UBXN7: variants seen among roughly 807,000 people sequenced by gnomAD.
The protein encoded by UBXN7 is UBX domain protein 7.
A neutral mutation model predicts 58.0 loss-of-function variants in UBXN7; 9 were observed. That is an observed-to-expected ratio of 0.16 (90% CI 0.09 to 0.27). The LOEUF is 0.27. Among genes scored for constraint, UBXN7 ranks in the 10% least tolerant of loss-of-function variants. The probability of loss-of-function intolerance (pLI) is 1.00; values close to 1 mark genes in which losing one functional copy is unlikely to be tolerated. For synonymous variants in UBXN7, 208 were observed against 205.0 expected, an observed-to-expected ratio of 1.01 and a Z score of -0.12; for missense variants, 328 against 599.6, an observed-to-expected ratio of 0.55 and a Z score of 4.73.
Position 196,356,492 on chromosome 3 carries a change from ACAG to A in UBXN7, c.*190_*192del. On this transcript the variant is annotated 3_prime_UTR_variant, in exon 11 of 11. Coordinates refer to ENST00000296328, the MANE Select transcript of UBXN7 (RefSeq NM_015562.2). ...AGGGTACGGAGTGGGGAGCGAGAAA[ACAG>A]AAGAGGAGAAAGAAACAAAGGGGGA... is the stretch of plus-strand genomic sequence containing the variant. 1.8e-6 allele frequency: 1 copy of A among 553,976 alleles called. No individual in the cohort carries two copies. The highest frequency in any genetic ancestry group is 3.0e-6 in the Non-Finnish European group (1 of 332,218). The allele number at this position is 553,976 out of a possible 1,614,324, so 34.3% of individuals were successfully genotyped here. A position where few individuals can be genotyped will look rare whatever the true frequency, so the allele number is the denominator to read the frequency against.
intron 5 of UBXN7, among the ~76,000 whole-genome samples, chr3:196,387,749 T>G (rs1017756037): frequency 2.6e-5 from 4 of 152,066 alleles, no homozygotes; most frequent in African/African-American, 9.7e-5. Flanking sequence ...TGAGATACCA[T>G]CTCATGCCAG....
chr3:196,420,453 C>T (rs1419302994), intron 1 of UBXN7, among the ~76,000 whole-genome samples: 15 of 151,700 alleles, frequency 9.9e-5, no homozygotes, highest in Admixed American at 9.2e-4. Flanking sequence ...ATCGTTTGAC[C>T]CCGGGAGGTG....
chr3:196,349,262 AG>A lies in UBXN7; in HGVS notation c.*7422del, dbSNP rs1728157607. The A allele has an allele frequency of 2.0e-5, 3 of 152,228 alleles. No individual in the cohort carries two copies. The highest frequency in any genetic ancestry group is 4.1e-4 in the South Asian group (2 of 4,832). The allele number at this position is 152,228 out of a possible 1,614,324, so 9.4% of individuals were successfully genotyped here. ...CAAGGCCCAAGACCCCACATGGGTC[AG>A]ATAAGCAGCCCCTACTAGAAGCTTG... On this transcript the variant is annotated 3_prime_UTR_variant, in exon 11 of 11. Coordinates refer to ENST00000296328, the MANE Select transcript of UBXN7 (RefSeq NM_015562.2).
chr3:196,430,130 G>A (rs1034287773), intron 1 of UBXN7, among the ~76,000 whole-genome samples: 1 of 151,982 alleles, frequency 6.6e-6, no homozygotes, highest in Non-Finnish European at 1.5e-5. Context: ...TGAGGTGAGT[G>A]GATCATTTGA....
At chr3:196,364,989 T>G (rs1018689961) in intron 8 of UBXN7, among the ~76,000 whole-genome samples, 1 of 152,172 alleles carries the variant, frequency 6.6e-6, no homozygotes, top group East Asian at 1.9e-4. Flanking sequence ...ACATATAGCA[T>G]GTAGCTCGAT....
intron 1 of UBXN7, among the ~76,000 whole-genome samples, chr3:196,415,413 A>G (rs1035049128): frequency 2.7e-5 from 4 of 148,708 alleles, no homozygotes; most frequent in Admixed American, 1.3e-4. Flanking sequence ...CAGCCTCCCA[A>G]AGTGCTGGGA....
intron 3 of UBXN7, 85 bp downstream of exon 3, chr3:196,402,867 T>C: frequency 1.4e-6 from 2 of 1,449,602 alleles, no homozygotes; most frequent in African/African-American, 1.4e-5. Flanking sequence ...AACAGTCTCC[T>C]AGCAAGCCTT....
chr3:196,369,299 G>A (rs541576053), intron 7 of UBXN7, 122 bp downstream of exon 7: 21 of 786,372 alleles, frequency 2.7e-5, no homozygotes, highest in East Asian at 1.1e-4. Flanking sequence ...GGAAAAAAAC[G>A]AAACCTTCAC....
chr3:196,381,095 C>T (rs146303871), intron 5 of UBXN7, among the ~76,000 whole-genome samples: 1,971 of 152,348 alleles, frequency 0.013, 52 homozygotes, highest in African/African-American at 0.046. Context: ...CAGACTTAAA[C>T]GTCCCTGTCT....
intron 8 of UBXN7, among the ~76,000 whole-genome samples, chr3:196,366,584 AAATAC>A (rs1036018750): frequency 5.9e-5 from 9 of 151,826 alleles, no homozygotes; most frequent in Non-Finnish European, 1.2e-4. Context: ...ACAATACAAT[AAATAC>A]AATACAATAC....
Position 196,354,278 on chromosome 3 carries a change from G to A in UBXN7, c.*2407C>T, listed in dbSNP as rs142513580. ...CTACTTAATCATCCCACAGTAACCC[G>A]AGTTGAAGAAGTTACTTTGGTTTCT... On this transcript the variant is annotated 3_prime_UTR_variant, in exon 11 of 11. Coordinates refer to ENST00000296328, the MANE Select transcript of UBXN7 (RefSeq NM_015562.2). 264 of 152,266 alleles carry A rather than the reference G, an allele frequency of 1.7e-3. No individual in the cohort carries two copies. Among genetic ancestry groups the A allele is most frequent in the African/African-American group, 6.2e-3 (257 of 41,558 alleles). The allele number at this position is 152,266 out of a possible 1,614,324, so 9.4% of individuals were successfully genotyped here. A position where few individuals can be genotyped will look rare whatever the true frequency, so the allele number is the denominator to read the frequency against.
chr3:196,370,892 A>G (rs2108832711), intron 6 of UBXN7, among the ~76,000 whole-genome samples: 1 of 150,678 alleles, frequency 6.6e-6, no homozygotes, highest in South Asian at 2.1e-4. Flanking sequence ...ATATGGGCAT[A>G]GTGGTGCATG....
At chr3:196,397,831 T>C (rs1289625852) in intron 3 of UBXN7, 3 of 152,220 alleles carry the variant, frequency 2.0e-5, no homozygotes, top group Non-Finnish European at 4.4e-5. Flanking sequence ...TCTTTAACAG[T>C]ACACCAATAC....
chr3:196,366,437 G>C (rs1728668312), intron 8 of UBXN7, among the ~76,000 whole-genome samples: 1 of 151,506 alleles, frequency 6.6e-6, no homozygotes, highest in Non-Finnish European at 1.5e-5. Flanking sequence ...GATTGACTGA[G>C]CCCAGGAGTT....
At chr3:196,372,343 CTTTTTTTTTTT>C (rs894793736) in intron 5 of UBXN7, among the ~76,000 whole-genome samples, 7 of 107,534 alleles carry the variant, frequency 6.5e-5, no homozygotes, top group African/African-American at 2.2e-4. Context: ...TTCTTTCTTT[CTTTTTTTTTTT>C]TTTTTGAGAC....
rs757826319 is a variant in UBXN7 at position 196,362,698 on chromosome 3, G to C, written c.835-11C>G. ...ATCTATAAGGCTCTCCTGTGAGATG[G>C]AGTCATAAAACACAGGAAAAAGAAC... On this transcript the variant is annotated splice_polypyrimidine_tract_variant and intron_variant, in intron 8 of 10. Transcript: ENST00000296328. The C allele has an allele frequency of 1.3e-5, 21 of 1,590,066 alleles. No homozygotes were observed. Among genetic ancestry groups the C allele is most frequent in the Non-Finnish European group, 1.8e-5 (21 of 1,164,986 alleles).
intron 5 of UBXN7, among the ~76,000 whole-genome samples, chr3:196,387,885 C>T (rs1316298687): frequency 1.3e-5 from 2 of 152,054 alleles, no homozygotes; most frequent in African/African-American, 2.4e-5. Context: ...GACAGTGTGG[C>T]GATTCCTCAA....
At chr3:196,375,573 C>A (rs1728993864) in intron 5 of UBXN7, among the ~76,000 whole-genome samples, 1 of 152,090 alleles carries the variant, frequency 6.6e-6, no homozygotes, top group South Asian at 2.1e-4. Context: ...GAAAAATAAT[C>A]TCCTCATGGA....
intron 5 of UBXN7, among the ~76,000 whole-genome samples, chr3:196,377,010 C>T (rs1347661915): frequency 2.0e-5 from 3 of 148,618 alleles, no homozygotes; most frequent in Non-Finnish European, 3.0e-5. Flanking sequence ...CGTGCCACTG[C>T]ACTCCAGCCT....
Sources: allele counts gnomAD v4.1 joint callset (sites outside exome capture counted in the v4.1 genomes callset), GRCh38; gene constraint gnomAD v4.1.1; transcripts MANE v1.5; gene names NCBI Gene and HGNC (gene_info 2026-07-23, HGNC 2026-07-21).